The following ART1 variants were observed in gnomAD, a reference collection of about 807,000 sequenced individuals.
The protein encoded by ART1 is GPI-linked NAD(P)(+)--arginine ADP-ribosyltransferase 1.
In ART1, 29 loss-of-function variants were observed where a neutral mutation model predicts 27.0. The ratio of observed to expected loss-of-function variants is 1.08; its 90% CI spans 0.80 to 1.47. The LOEUF (loss-of-function observed/expected upper bound fraction) is 1.47. ART1 is among the 40% of genes most tolerant of loss of function. The pLI is 0.00. For synonymous variants in ART1, 201 were observed against 172.2 expected (o/e 1.17, Z -1.31); for missense variants, 480 against 423.0 (o/e 1.13, Z -1.18).
chr11:3,664,206 C>G lies in ART1; in HGVS notation c.*17C>G, dbSNP rs746630142. 6.2e-7 allele frequency: 1 copy of G among 1,610,430 alleles called. No homozygotes were observed. ...CTCCTTTGATGCATGAGACACGGGA[C>G]AGCCTCGCCTGCTGCCTCTGCCCAT... On this transcript the variant is annotated 3_prime_UTR_variant, in exon 5 of 5. Transcript: ENST00000250693.
chr11:3,647,123 A>C (rs2077474547), intron 1 of ART1, among the ~76,000 whole-genome samples: 1 of 152,174 alleles, frequency 6.6e-6, no homozygotes, highest in Admixed American at 6.5e-5. Context: ...CAGGAATTTG[A>C]GACCAGCCTG....
intron 1 of ART1, among the ~76,000 whole-genome samples, chr11:3,650,159 C>T (rs2077508217): frequency 6.6e-6 from 1 of 152,240 alleles, no homozygotes. Context: ...CACGCCTGAA[C>T]TGCAGCTGCC....
intron 1 of ART1, among the ~76,000 whole-genome samples, chr11:3,651,974 A>G (rs925403078): frequency 1.3e-5 from 2 of 151,588 alleles, no homozygotes; most frequent in East Asian, 3.9e-4. Context: ...GCTATGCTAT[A>G]GAACAAGCCA....
intron 1 of ART1, among the ~76,000 whole-genome samples, chr11:3,647,246 C>T (rs374732294): frequency 6.6e-6 from 1 of 151,220 alleles, no homozygotes. Flanking sequence ...TGCTTGAACC[C>T]GGGAGGCAGA....
chr11:3,661,626 A>T (rs1481837174), intron 4 of ART1, among the ~76,000 whole-genome samples: 1 of 150,170 alleles, frequency 6.7e-6, no homozygotes, highest in Non-Finnish European at 1.5e-5. Flanking sequence ...TCTTGATTAC[A>T]GCTGGGATTA....
intron 3 of ART1, 26 bp downstream of exon 3, chr11:3,660,389 C>T: frequency 6.3e-7 from 1 of 1,581,856 alleles, no homozygotes; most frequent in Non-Finnish European, 8.6e-7. Flanking sequence ...CTGGTCGGCA[C>T]CTGTGCGGAA....
intron 1 of ART1, among the ~76,000 whole-genome samples, chr11:3,650,427 C>T (rs1395352198): frequency 6.6e-6 from 1 of 152,192 alleles, no homozygotes; most frequent in Non-Finnish European, 1.5e-5. Context: ...TCCCCGATTG[C>T]CTCGGAAGCC....
At chr11:3,661,048 G>A (rs967929801) in intron 3 of ART1, among the ~76,000 whole-genome samples, 1 of 152,190 alleles carries the variant, frequency 6.6e-6, no homozygotes, top group East Asian at 1.9e-4. Flanking sequence ...AAGGTAAGGA[G>A]GGCATGCAAA....
At position 3,652,476 on chromosome 11, in the gene ART1, T is replaced by C. The variant is rs772433660; in HGVS notation, c.-52-6686T>C. ...AAAGGTCTTTTAAAAACACACCTCA[T>C]CAAGCTCAGCCACCAACTTAAAAAG... On this transcript the variant is annotated intron_variant, in intron 1 of 4. Coordinates refer to ENST00000250693, the MANE Select transcript of ART1 (RefSeq NM_004314.3). Among the ~76,000 whole-genome samples, 704 of 152,022 alleles carry C rather than the reference T, an allele frequency of 4.6e-3. 4 individuals are homozygous for C. Among genetic ancestry groups the C allele is most frequent in the African/African-American group, 0.016 (667 of 41,318 alleles).
chr11:3,661,761 G>C (rs1241144191), intron 4 of ART1, among the ~76,000 whole-genome samples: 1 of 152,128 alleles, frequency 6.6e-6, no homozygotes, highest in Non-Finnish European at 1.5e-5. Context: ...GCCTCCCAAA[G>C]TGCTGGGATT....
At chr11:3,651,196 T>C (rs2133950284) in intron 1 of ART1, among the ~76,000 whole-genome samples, 3 of 144,366 alleles carry the variant, frequency 2.1e-5, no homozygotes, top group South Asian at 4.6e-4. Flanking sequence ...TCAAACATGC[T>C]TTCTTTACTA....
rs766819862 is a variant in ART1 at position 3,659,224 on chromosome 11, C to G, written c.11C>G (p.Pro4Arg). ...CCCAGGGTCACCAGCATGCAGATGC[C>G]TGCTATGATGTCTCTGCTTCTTGTG... MQMPAMMSLLLVSV... is the reference protein window; with the variant it reads MQMRAMMSLLLVSV... The change falls in exon 2 of 5, where the codon CCT (proline) becomes CGT (arginine). Residue 4 changes from proline to arginine, a missense_variant. By Grantham distance (103) the Pro-to-Arg change is moderately radical. Transcript: ENST00000250693. 5.6e-6 allele frequency: 9 copies of G among 1,614,032 alleles called. No homozygotes were observed. The highest frequency in any genetic ancestry group is 1.3e-5 in the African/African-American group (1 of 74,924).
At chr11:3,653,403 C>T (rs1390149365) in intron 1 of ART1, among the ~76,000 whole-genome samples, 2 of 148,270 alleles carry the variant, frequency 1.3e-5, no homozygotes, top group Non-Finnish European at 2.9e-5. Context: ...CTGGCTCATC[C>T]TGGCTCAAAA....
rs946237537 is a variant in ART1 at position 3,656,652 on chromosome 11, G to A, written c.-52-2510G>A. ...CCACCTCAGCCTCCCGGAGTTGTCCGGATGTATTTTTTTATTTTTAGTAGC... is the reference window on the plus strand; with the variant it reads ...CCACCTCAGCCTCCCGGAGTTGTCCAGATGTATTTTTTTATTTTTAGTAGC... On this transcript the variant is annotated intron_variant, in intron 1 of 4. Transcript: ENST00000250693. Among the ~76,000 whole-genome samples the A allele has an allele frequency of 2.6e-5, 4 of 152,104 alleles. No homozygotes were observed. In the South Asian group the frequency reaches 6.2e-4, roughly 24 times the overall value.
chr11:3,645,175 C>T lies in ART1; in HGVS notation c.-57C>T, dbSNP rs2077463017. The T allele has an allele frequency of 6.6e-6, 1 of 152,020 alleles. No individual in the cohort carries two copies. Among genetic ancestry groups the T allele is most frequent in the Admixed American group, 6.5e-5 (1 of 15,270 alleles). The allele number at this position is 152,020 out of a possible 1,614,324, so 9.4% of individuals were successfully genotyped here. On this transcript the variant is annotated 5_prime_UTR_variant, in exon 1 of 5. Coordinates refer to ENST00000250693, the MANE Select transcript of ART1 (RefSeq NM_004314.3). ...AGCAGCTTCCCCACCCAGGACAAGG[C>T]CTAGGTAAGGAGTGCACCACTCTCC... is the stretch of plus-strand genomic sequence containing the variant.
intron 4 of ART1, among the ~76,000 whole-genome samples, chr11:3,661,690 G>A (rs993396176): frequency 7.9e-5 from 12 of 152,046 alleles, no homozygotes; most frequent in Non-Finnish European, 1.5e-4. Context: ...TAGAGATGGG[G>A]TTTCACCATG....
chr11:3,659,481 G>A, intron 2 of ART1, 102 bp from the exon 3 acceptor site: 1 of 1,425,224 alleles, frequency 7.0e-7, no homozygotes, highest in Non-Finnish European at 9.4e-7. Flanking sequence ...GGTGTGTTTG[G>A]GGCCCTTCCT....
chr11:3,652,278 C>T (rs1367352393), intron 1 of ART1, among the ~76,000 whole-genome samples: 1 of 151,284 alleles, frequency 6.6e-6, no homozygotes, highest in Non-Finnish European at 1.5e-5. Flanking sequence ...GCAGTCATTT[C>T]TTCCCTTCTG....
intron 1 of ART1, among the ~76,000 whole-genome samples, chr11:3,651,174 C>A (rs1367942997): frequency 1.4e-5 from 2 of 146,766 alleles, no homozygotes; most frequent in African/African-American, 2.5e-5. Flanking sequence ...ACCCATTATT[C>A]TGTTCTGGGT....
Sources: gnomAD v4.1 joint callset for allele counts (sites outside exome capture counted in the v4.1 genomes callset) on GRCh38, gnomAD v4.1.1 for gene constraint, MANE v1.5 for transcripts, NCBI Gene and HGNC (gene_info 2026-07-23, HGNC 2026-07-21) for gene names.